Variants in MAP3K4 observed in about 807,000 individuals in gnomAD.
MAP3K4 encodes the protein MAP three kinase 1.
A neutral mutation model predicts 185.6 loss-of-function variants in MAP3K4; 67 were observed. The ratio of observed to expected loss-of-function variants is 0.36; its 90% CI spans 0.30 to 0.44. The LOEUF is 0.44. MAP3K4 is among the 20% of genes least tolerant of loss of function. The pLI, the probability that MAP3K4 is intolerant of heterozygous loss-of-function variation, is 1.00. For synonymous variants in MAP3K4, 702 were observed against 710.4 expected (o/e 0.99, Z 0.19); for missense variants, 1,551 against 1,995.1 (o/e 0.78, Z 4.24).
chr6:161,052,263 A>G (rs1784039360), intron 3 of MAP3K4, among the ~76,000 whole-genome samples: 3 of 152,094 alleles, frequency 2.0e-5, no homozygotes, highest in Admixed American at 2.0e-4. Context: ...TTATAGCAAG[A>G]AAAGATTGAG....
rs1448910886 is a variant in MAP3K4 at position 161,101,184 on chromosome 6, G to T, written c.3675-708G>T. The T allele has an allele frequency of 6.6e-6, 1 of 151,672 alleles. No homozygotes were observed. Among genetic ancestry groups the T allele is most frequent in the Non-Finnish European group, 1.5e-5 (1 of 67,930 alleles). 9.4% of individuals were successfully genotyped at this position (151,672 alleles called of 1,614,324 possible). A position where few individuals can be genotyped will look rare whatever the true frequency, so the allele number is the denominator to read the frequency against. On this transcript the variant is annotated intron_variant, in intron 17 of 26. Transcript: ENST00000392142. The surrounding 1 kb of genome is among the most constrained non-coding windows in gnomAD (Gnocchi z 5.1). Reference sequence around the variant, plus strand: ...TTAGTTTTAATTTTTACTCTTTATGGGTTCATTCTGGTTGCTGAACATTTC... The same window carrying T: ...TTAGTTTTAATTTTTACTCTTTATGTGTTCATTCTGGTTGCTGAACATTTC...
Position 161,080,287 on chromosome 6 carries a change from T to C in MAP3K4, c.2098-594T>C, listed in dbSNP as rs9365248. On this transcript the variant is annotated intron_variant, in intron 5 of 26. Coordinates refer to ENST00000392142, the MANE Select transcript of MAP3K4 (RefSeq NM_005922.4). This position sits in a 1 kb window ranked among gnomAD's most constrained non-coding sequence, Gnocchi z 4.8. The stretch of plus-strand genomic sequence containing the variant: ...AACCCTGCTGACCACGGGATAAATC[T>C]AAAGGAGGATTTAAGAACGGGAAAG... 0.91 allele frequency among the ~76,000 whole-genome samples: 138,167 copies of C among 152,280 alleles called. 62,862 individuals are homozygous for C. The highest frequency in any genetic ancestry group is 0.99 in the East Asian group (5,148 of 5,184).
In MAP3K4 at chr6:161,108,126, AAC is replaced by A. The variant is rs1778181705; in HGVS notation, c.4119+165_4119+166del. ...ACCAACCAGGCAGATGCACTGAGAT[AAC>A]ACACACAGACAGTGAAGGGGCTTAC... On this transcript the variant is annotated intron_variant, in intron 21 of 26. Coordinates refer to ENST00000392142, the MANE Select transcript of MAP3K4 (RefSeq NM_005922.4). The surrounding 1 kb of genome is among the most constrained non-coding windows in gnomAD (Gnocchi z 5.7). Among the ~76,000 whole-genome samples, 1 of 152,214 alleles carries A rather than the reference AAC, an allele frequency of 6.6e-6. No individual in the cohort carries two copies. The highest frequency in any genetic ancestry group is 2.4e-5 in the African/African-American group (1 of 41,462).
Position 161,103,463 on chromosome 6 carries a change from G to T in MAP3K4, c.3856+684G>T, listed in dbSNP as rs1478621826. Reference sequence around the variant, plus strand: ...TTTGTGGAGGGAGGAGACTGGGCTGGCCCTTTGAAGGGATGGCAGGTCTGC... The same window carrying T: ...TTTGTGGAGGGAGGAGACTGGGCTGTCCCTTTGAAGGGATGGCAGGTCTGC... On this transcript the variant is annotated intron_variant, in intron 19 of 26. Transcript: ENST00000392142. The surrounding 1 kb of genome is among the most constrained non-coding windows in gnomAD (Gnocchi z 4.6). Among the ~76,000 whole-genome samples the T allele has an allele frequency of 6.6e-6, 1 of 152,204 alleles. No individual in the cohort carries two copies. The highest frequency in any genetic ancestry group is 6.5e-5 in the Admixed American group (1 of 15,280).
intron 1 of MAP3K4, among the ~76,000 whole-genome samples, chr6:161,009,555 C>T (rs1178324362): frequency 6.6e-6 from 1 of 152,072 alleles, no homozygotes; most frequent in African/African-American, 2.4e-5. Context: ...ATCCATGTTA[C>T]GGGGTGTCAG....
rs995340386 is a variant in MAP3K4, at chr6:161,093,536, G to A, written c.3349-237G>A. 6.6e-6 allele frequency among the ~76,000 whole-genome samples: 1 copy of A among 152,100 alleles called. No individual in the cohort carries two copies. The highest frequency in any genetic ancestry group is 2.1e-4 in the South Asian group (1 of 4,830). On this transcript the variant is annotated intron_variant, in intron 14 of 26. Coordinates refer to ENST00000392142, the MANE Select transcript of MAP3K4 (RefSeq NM_005922.4). The surrounding 1 kb of genome is among the most constrained non-coding windows in gnomAD (Gnocchi z 5.2). ...CATGAAAAGTTCTTTGCTTGTACACGTTATTGTGTTATGGGAAATTGACAG... is the reference window on the plus strand; with the variant it reads ...CATGAAAAGTTCTTTGCTTGTACACATTATTGTGTTATGGGAAATTGACAG...
intron 1 of MAP3K4, among the ~76,000 whole-genome samples, chr6:161,003,394 A>C (rs906296344): frequency 9.9e-5 from 15 of 152,256 alleles, no homozygotes. Context: ...ATCCTTGATT[A>C]GTTCATTCAG....
At position 161,093,563 on chromosome 6, in the gene MAP3K4, T is replaced by C. The variant is rs1480718422; in HGVS notation, c.3349-210T>C. Among the ~76,000 whole-genome samples the C allele has an allele frequency of 1.3e-5, 2 of 152,260 alleles. No individual in the cohort carries two copies. The highest frequency in any genetic ancestry group is 1.3e-4 in the Admixed American group (2 of 15,290). On this transcript the variant is annotated intron_variant, in intron 14 of 26. Coordinates refer to ENST00000392142, the MANE Select transcript of MAP3K4 (RefSeq NM_005922.4). The surrounding 1 kb of genome is among the most constrained non-coding windows in gnomAD (Gnocchi z 5.2). ...TATTGTGTTATGGGAAATTGACAGC[T>C]AATTTGCTTTTACTTATAAAAATGA...
At chr6:161,068,424 A>G (rs1276153468) in intron 3 of MAP3K4, among the ~76,000 whole-genome samples, 1 of 152,242 alleles carries the variant, frequency 6.6e-6, no homozygotes, top group Non-Finnish European at 1.5e-5. Context: ...GTGCAAAAGC[A>G]CAGAGGCAGG....
At chr6:161,016,580 G>A (rs541289225) in intron 1 of MAP3K4, among the ~76,000 whole-genome samples, 4 of 152,266 alleles carry the variant, frequency 2.6e-5, no homozygotes, top group Admixed American at 6.5e-5. Context: ...TCCTAGCACC[G>A]TTTGTTAAAA....
rs1583123181 is a variant in MAP3K4 at position 161,022,400 on chromosome 6, C to CTTTA, written c.153-11853_153-11850dup. Among the ~76,000 whole-genome samples, 1 of 152,164 alleles carries CTTTA rather than the reference C, an allele frequency of 6.6e-6. No homozygotes were observed. The highest frequency in any genetic ancestry group is 2.1e-4 in the South Asian group (1 of 4,820). Reference sequence around the variant, plus strand: ...TGCAGTATCTTATCCAGAGTAATACCTTTATTTATAGCTGAGGAAATTTAG... The same window carrying CTTTA: ...TGCAGTATCTTATCCAGAGTAATACCTTTATTTATTTATAGCTGAGGAAATTTAG... On this transcript the variant is annotated intron_variant, in intron 1 of 26. Coordinates refer to ENST00000392142, the MANE Select transcript of MAP3K4 (RefSeq NM_005922.4). The surrounding 1 kb of genome is among the most constrained non-coding windows in gnomAD (Gnocchi z 4.2).
chr6:161,073,784 C>T lies in MAP3K4; in HGVS notation c.2097+172C>T, dbSNP rs1036732314. 3.3e-5 allele frequency among the ~76,000 whole-genome samples: 5 copies of T among 152,108 alleles called. No homozygotes were observed. Among genetic ancestry groups the T allele is most frequent in the Admixed American group, 6.5e-5 (1 of 15,288 alleles). On this transcript the variant is annotated intron_variant, in intron 5 of 26. Coordinates refer to ENST00000392142, the MANE Select transcript of MAP3K4 (RefSeq NM_005922.4). This position sits in a 1 kb window ranked among gnomAD's most constrained non-coding sequence, Gnocchi z 4.2. ...AAGTATAGCTTGTGTGTGTGTATTG[C>T]GGAGGGCGGTGGTGGTGATCTTGAA...
At chr6:161,028,638 T>C (rs9456612) in intron 1 of MAP3K4, among the ~76,000 whole-genome samples, 4,108 of 152,266 alleles carry the variant, frequency 0.027, 122 homozygotes, top group African/African-American at 0.072. Flanking sequence ...GATAGCTTCT[T>C]ATTCATTTCC....
rs185747975 is a variant in MAP3K4 at position 161,021,052 on chromosome 6, A to G, written c.153-13207A>G. 5.3e-5 allele frequency among the ~76,000 whole-genome samples: 8 copies of G among 152,228 alleles called. No individual in the cohort carries two copies. In the East Asian group the frequency reaches 5.8e-4, roughly 11 times the overall value. On this transcript the variant is annotated intron_variant, in intron 1 of 26. Coordinates refer to ENST00000392142, the MANE Select transcript of MAP3K4 (RefSeq NM_005922.4). ...TTTTAGACTCATTTAAATTTTTCTC[A>G]GTTTACATAGCTTTTAATTAAGAAA...
At chr6:161,081,299 G>C (rs1325595957) in intron 6 of MAP3K4, among the ~76,000 whole-genome samples, 1 of 150,406 alleles carries the variant, frequency 6.6e-6, no homozygotes, top group African/African-American at 2.5e-5. Context: ...GAGTGGGCGG[G>C]GGGAGGGAGG....
chr6:161,031,725 A>G (rs1782939399), intron 1 of MAP3K4, among the ~76,000 whole-genome samples: 1 of 152,126 alleles, frequency 6.6e-6, no homozygotes, highest in Non-Finnish European at 1.5e-5. Context: ...CCATTACTTT[A>G]ATTTTAAAAA....
chr6:161,098,168 T>G lies in MAP3K4; in HGVS notation c.3525-110T>G, dbSNP rs1206821413. 8.1e-7 allele frequency: 1 copy of G among 1,241,390 alleles called. No individual in the cohort carries two copies. The highest frequency in any genetic ancestry group is 1.1e-6 in the Non-Finnish European group (1 of 900,096). 76.9% of individuals were successfully genotyped at this position (1,241,390 alleles called of 1,614,324 possible). ...CTCAAAGAACAATTTGCATTTTATA[T>G]TTTTAAATATATTTCACCCCCTTGC... is the stretch of plus-strand genomic sequence containing the variant. On this transcript the variant is annotated intron_variant, in intron 16 of 26. Transcript: ENST00000392142. The surrounding 1 kb of genome is among the most constrained non-coding windows in gnomAD (Gnocchi z 4.4).
chr6:161,029,204 C>T (rs573956654), intron 1 of MAP3K4, among the ~76,000 whole-genome samples: 1 of 148,142 alleles, frequency 6.8e-6, no homozygotes, highest in South Asian at 2.1e-4. Context: ...CCATTTATTT[C>T]GAAGGATGTC....
chr6:161,064,753 G>A lies in MAP3K4; in HGVS notation c.1708-5855G>A, dbSNP rs1400742149. ...TAATATAGAATCTCTAAGATGGAGA[G>A]CACCCTTTCAATGATTAGAAGAGAC... On this transcript the variant is annotated intron_variant, in intron 3 of 26. Transcript: ENST00000392142. This position sits in a 1 kb window ranked among gnomAD's most constrained non-coding sequence, Gnocchi z 4.3. Among the ~76,000 whole-genome samples, 2 of 152,148 alleles carry A rather than the reference G, an allele frequency of 1.3e-5. No individual in the cohort carries two copies. Among genetic ancestry groups the A allele is most frequent in the Non-Finnish European group, 1.5e-5 (1 of 68,042 alleles).
Sources: gnomAD v4.1 joint callset for allele counts (sites outside exome capture counted in the v4.1 genomes callset) on GRCh38, gnomAD v4.1.1 for gene constraint, Gnocchi (gnomAD v3.1) non-coding constraint, MANE v1.5 for transcripts, NCBI Gene and HGNC (gene_info 2026-07-23, HGNC 2026-07-21) for gene names.